ZNF385D: variants seen among roughly 807,000 people sequenced by gnomAD.
The protein encoded by ZNF385D is zinc finger protein 659.
ZNF385D carries 15 observed loss-of-function variants against 35.8 expected under a neutral mutation model. That is an observed-to-expected ratio of 0.42 (90% CI 0.28 to 0.64). ZNF385D has a LOEUF of 0.64. ZNF385D is among the 30% of genes least tolerant of loss of function. The pLI is 0.23. For synonymous variants in ZNF385D, 212 were observed against 186.8 expected (o/e 1.13, Z -1.10); for missense variants, 474 against 494.6 (o/e 0.96, Z 0.39).
At chr3:22,234,418 T>C (rs1267022150) in intron 2 of ZNF385D, among the ~76,000 whole-genome samples, 1 of 152,110 alleles carries the variant, frequency 6.6e-6, no homozygotes, top group Admixed American at 6.6e-5. Flanking sequence ...TTAAATTTTG[T>C]CCTCAAATCT....
intron 3 of ZNF385D, among the ~76,000 whole-genome samples, chr3:22,099,929 T>C (rs895566121): frequency 6.6e-6 from 1 of 152,118 alleles, no homozygotes; most frequent in African/African-American, 2.4e-5. Flanking sequence ...ATGTCAGGAT[T>C]AAGTGTCAGT....
intron 3 of ZNF385D, among the ~76,000 whole-genome samples, chr3:22,090,381 T>G (rs756372180): frequency 2.0e-4 from 31 of 152,136 alleles, no homozygotes; most frequent in Admixed American, 3.9e-4. Context: ...TGTGATAAAG[T>G]GCCAACTGAA....
intron 3 of ZNF385D, among the ~76,000 whole-genome samples, chr3:21,920,682 A>AT (rs1416966987): frequency 6.6e-6 from 1 of 151,830 alleles, no homozygotes; most frequent in Non-Finnish European, 1.5e-5. Context: ...GGATACTATA[A>AT]TTTTGTGGGG....
chr3:22,184,444 G>T (rs1376040846), intron 2 of ZNF385D, among the ~76,000 whole-genome samples: 1 of 152,030 alleles, frequency 6.6e-6, no homozygotes, highest in Non-Finnish European at 1.5e-5. Flanking sequence ...TCAATACTGT[G>T]TGTGCTAATG....
intron 3 of ZNF385D, among the ~76,000 whole-genome samples, chr3:21,930,779 A>C (rs138343462): frequency 6.6e-6 from 1 of 152,096 alleles, no homozygotes; most frequent in Non-Finnish European, 1.5e-5. Flanking sequence ...CAAAAACATA[A>C]ATTTAGATCC....
At chr3:22,034,586 A>T (rs926146649) in intron 3 of ZNF385D, among the ~76,000 whole-genome samples, 3 of 152,218 alleles carry the variant, frequency 2.0e-5, no homozygotes, top group Non-Finnish European at 4.4e-5. Flanking sequence ...ATGTATTAAT[A>T]TCATATATTT....
chr3:21,875,159 G>A (rs592384), intron 3 of ZNF385D, among the ~76,000 whole-genome samples: 34,338 of 151,920 alleles, frequency 0.23, 4,249 homozygotes, highest in Middle Eastern at 0.41. Context: ...TGTGAAGTAC[G>A]TATGGTTTTC....
At chr3:22,248,583 G>A (rs562295891) in intron 2 of ZNF385D, among the ~76,000 whole-genome samples, 1 of 152,002 alleles carries the variant, frequency 6.6e-6, no homozygotes, top group Admixed American at 6.5e-5. Flanking sequence ...AAGGCTTTTG[G>A]ATTTTGATTC....
At chr3:21,545,348 A>G (rs369614897) in intron 3 of ZNF385D, among the ~76,000 whole-genome samples, 1 of 152,256 alleles carries the variant, frequency 6.6e-6, no homozygotes, top group Non-Finnish European at 1.5e-5. Context: ...GTGAATATCA[A>G]GCAAAGCAAG....
At chr3:21,600,857 C>T (rs1340924237) in intron 2 of ZNF385D, among the ~76,000 whole-genome samples, 1 of 146,832 alleles carries the variant, frequency 6.8e-6, no homozygotes, top group Non-Finnish European at 1.5e-5. Context: ...TAAAGATAAA[C>T]TTGAGATTCT....
intron 3 of ZNF385D, among the ~76,000 whole-genome samples, chr3:21,563,970 T>C (rs1233469972): frequency 6.6e-6 from 1 of 152,128 alleles, no homozygotes; most frequent in Non-Finnish European, 1.5e-5. Flanking sequence ...CCTGAATAAC[T>C]TGTGAACCAC....
chr3:22,162,898 G>C (rs563531530), intron 3 of ZNF385D, among the ~76,000 whole-genome samples: 1 of 152,168 alleles, frequency 6.6e-6, no homozygotes, highest in Non-Finnish European at 1.5e-5. Context: ...TTCCCAAGAA[G>C]CAGAGTCTAA....
chr3:22,257,553 G>A (rs1198376089), intron 2 of ZNF385D, among the ~76,000 whole-genome samples: 2 of 151,606 alleles, frequency 1.3e-5, no homozygotes, highest in African/African-American at 4.8e-5. Flanking sequence ...TTCATACGTG[G>A]TTTTCTTCTA....
chr3:22,231,035 G>C (rs147794609), intron 2 of ZNF385D, among the ~76,000 whole-genome samples: 459 of 152,238 alleles, frequency 3.0e-3, no homozygotes, highest in African/African-American at 0.011. Flanking sequence ...CCAATATTGG[G>C]AGAAAATGAC....
intron 3 of ZNF385D, among the ~76,000 whole-genome samples, chr3:21,806,123 T>G (rs2072631055): frequency 3.3e-5 from 5 of 152,142 alleles, no homozygotes; most frequent in Admixed American, 3.3e-4. Flanking sequence ...GGTGCTTGCC[T>G]GCCGGACTAC....
Position 21,894,598 on chromosome 3 carries a change from ATTAT to A in ZNF385D, c.326-229574_326-229571del, listed in dbSNP as rs1464299506. Among the ~76,000 whole-genome samples the A allele has an allele frequency of 4.6e-5, 7 of 152,248 alleles. No individual in the cohort carries two copies. The East Asian group carries it at 1.4e-3, about 29-fold the overall frequency. Reference sequence around the variant, plus strand: ...ATTTTGTTTAAAGACCTTCTTTGTAATTATTTATACTTAATATAGTTTGTGAGTT... The same window carrying A: ...ATTTTGTTTAAAGACCTTCTTTGTAATTATACTTAATATAGTTTGTGAGTT... On this transcript the variant is annotated intron_variant, in intron 3 of 5. Coordinates refer to the ZNF385D transcript ENST00000494108.
At chr3:22,035,607 T>A (rs1200325165) in intron 3 of ZNF385D, among the ~76,000 whole-genome samples, 2 of 152,176 alleles carry the variant, frequency 1.3e-5, no homozygotes, top group Non-Finnish European at 2.9e-5. Flanking sequence ...GGTAGAAATG[T>A]AGCAGAGGCA....
intron 3 of ZNF385D, among the ~76,000 whole-genome samples, chr3:22,136,321 G>C (rs1013762656): frequency 1.3e-4 from 20 of 152,054 alleles, no homozygotes; most frequent in Non-Finnish European, 5.9e-5. Flanking sequence ...CTGGGAGGCA[G>C]AGGTTGCACT....
At chr3:21,733,829 T>C (rs931645713) in intron 1 of ZNF385D, among the ~76,000 whole-genome samples, 1 of 152,186 alleles carries the variant, frequency 6.6e-6, no homozygotes, top group African/African-American at 2.4e-5. Context: ...GTCCCCTATT[T>C]ATTTAAGAGT....
Sources: gnomAD v4.1 joint callset for allele counts (sites outside exome capture counted in the v4.1 genomes callset) on GRCh38, gnomAD v4.1.1 for gene constraint, MANE v1.5 for transcripts, NCBI Gene and HGNC (gene_info 2026-07-23, HGNC 2026-07-21) for gene names.